The following SEMA3A variants were observed in gnomAD, a reference collection of about 807,000 sequenced individuals.
SEMA3A encodes the protein semaphorin 3A.
In SEMA3A, 29 loss-of-function variants were observed where a neutral mutation model predicts 97.9. The observed-to-expected ratio is 0.30, with a 90% CI of 0.22 to 0.40. SEMA3A has a LOEUF of 0.40. SEMA3A is among the 10% of genes least tolerant of loss of function. The pLI is 1.00. For missense variants in SEMA3A, 763 were observed against 951.3 expected (o/e 0.80, Z 2.60); for synonymous variants, 321 against 323.7 (o/e 0.99, Z 0.09).
At chr7:84,009,347 A>C (rs2116407952) in intron 9 of SEMA3A, among the ~76,000 whole-genome samples, 1 of 152,330 alleles carries the variant, frequency 6.6e-6, no homozygotes, top group African/African-American at 2.4e-5. Flanking sequence ...AAGGGAAGAA[A>C]TATTATTTAG....
At chr7:84,449,219 CATTT>C (rs1201084063) in intron 1 of SEMA3A, among the ~76,000 whole-genome samples, 1 of 152,068 alleles carries the variant, frequency 6.6e-6, no homozygotes, top group Admixed American at 6.5e-5. Flanking sequence ...AGTGTCACAA[CATTT>C]ATTTGTGAAT....
At chr7:84,072,419 C>A (rs1372013869) in intron 4 of SEMA3A, among the ~76,000 whole-genome samples, 1 of 151,922 alleles carries the variant, frequency 6.6e-6, no homozygotes, top group Non-Finnish European at 1.5e-5. Flanking sequence ...ACTGTTTTTG[C>A]TCAATAGGAA....
At chr7:84,456,432 T>C (rs1805686331) in intron 1 of SEMA3A, among the ~76,000 whole-genome samples, 1 of 151,880 alleles carries the variant, frequency 6.6e-6, no homozygotes, top group Non-Finnish European at 1.5e-5. Flanking sequence ...TCAGACACTC[T>C]GATTAAGTAA....
intron 1 of SEMA3A, among the ~76,000 whole-genome samples, chr7:84,153,306 C>T (rs939516398): frequency 1.3e-5 from 2 of 152,160 alleles, no homozygotes. Context: ...CTGTCATCCA[C>T]ATACATACAG....
At chr7:84,367,170 A>C (rs927384413) in intron 2 of SEMA3A, among the ~76,000 whole-genome samples, 1 of 151,298 alleles carries the variant, frequency 6.6e-6, no homozygotes, top group Admixed American at 6.6e-5. Flanking sequence ...AGAAGTAAGA[A>C]AGACATTTTC....
At chr7:84,022,285 C>A (rs549805296) in intron 6 of SEMA3A, among the ~76,000 whole-genome samples, 81 of 152,186 alleles carry the variant, frequency 5.3e-4, no homozygotes, top group South Asian at 1.0e-3. Flanking sequence ...CCCTCGGTAA[C>A]CTAAGAAAGT....
chr7:84,400,168 G>A (rs926672632), intron 1 of SEMA3A, among the ~76,000 whole-genome samples: 1 of 152,146 alleles, frequency 6.6e-6, no homozygotes, highest in Non-Finnish European at 1.5e-5. Context: ...TCTGAAGAGG[G>A]ACAGTTACAA....
intron 1 of SEMA3A, among the ~76,000 whole-genome samples, chr7:84,382,771 G>C (rs1334893098): frequency 6.6e-6 from 1 of 151,192 alleles, no homozygotes; most frequent in African/African-American, 2.4e-5. Context: ...CCAGCTACTC[G>C]GGAGGCTGAG....
rs34614886 is a variant in SEMA3A at position 84,091,031 on chromosome 7, T to A, written c.453+19439A>T. ...GCAGTGAGCTGAGATCACGAGATCA[T>A]GCCATTGCACTGTAGCCTGGGGAAC... On this transcript the variant is annotated intron_variant, in intron 4 of 16. Transcript: ENST00000265362. Among the ~76,000 whole-genome samples, 137 of 147,156 alleles carry A rather than the reference T, an allele frequency of 9.3e-4. 2 individuals are homozygous for A. The South Asian group carries it at 0.028, about 30-fold the overall frequency.
chr7:84,222,436 C>T (rs1016381907), intron 3 of SEMA3A, among the ~76,000 whole-genome samples: 1 of 151,698 alleles, frequency 6.6e-6, no homozygotes, highest in African/African-American at 2.4e-5. Context: ...TAGCTATAAG[C>T]AGGCTAATCC....
intron 1 of SEMA3A, among the ~76,000 whole-genome samples, chr7:84,379,761 G>A (rs1354683467): frequency 6.6e-6 from 1 of 152,108 alleles, no homozygotes; most frequent in African/African-American, 2.4e-5. Context: ...GTAAACCCAT[G>A]TCATTTTTGT....
At chr7:84,445,493 C>CAAAA (rs61298477) in intron 1 of SEMA3A, among the ~76,000 whole-genome samples, 421 of 27,602 alleles carry the variant, frequency 0.015, 8 homozygotes, top group Non-Finnish European at 0.024. Flanking sequence ...GACTCCATCT[C>CAAAA]AAAAAAAAAA....
chr7:84,044,176 G>T (rs1792253091), intron 6 of SEMA3A, among the ~76,000 whole-genome samples: 1 of 151,070 alleles, frequency 6.6e-6, no homozygotes, highest in Non-Finnish European at 1.5e-5. Flanking sequence ...TGTTAAGAGA[G>T]TTTTTTTTTC....
chr7:84,058,482 A>C (rs1793085304), intron 5 of SEMA3A, among the ~76,000 whole-genome samples: 1 of 152,188 alleles, frequency 6.6e-6, no homozygotes, highest in South Asian at 2.1e-4. Flanking sequence ...AAGAGGAAGA[A>C]TTTATAGCAC....
chr7:84,329,667 T>G (rs1801865677), intron 2 of SEMA3A, among the ~76,000 whole-genome samples: 1 of 152,044 alleles, frequency 6.6e-6, no homozygotes, highest in African/African-American at 2.4e-5. Context: ...AATAATGAGA[T>G]TCTAAAATAA....
chr7:84,160,741 G>A (rs2116163465), intron 1 of SEMA3A, among the ~76,000 whole-genome samples: 1 of 151,856 alleles, frequency 6.6e-6, no homozygotes, highest in Non-Finnish European at 1.5e-5. Context: ...TTACTTGGGG[G>A]TGGTGGCATG....
At chr7:84,331,558 T>C (rs1210202096) in intron 2 of SEMA3A, among the ~76,000 whole-genome samples, 3 of 152,126 alleles carry the variant, frequency 2.0e-5, no homozygotes, top group Admixed American at 6.6e-5. Flanking sequence ...TTGTTCATTA[T>C]ACCAAGAGAA....
At chr7:84,308,809 T>C (rs1359948936) in intron 2 of SEMA3A, among the ~76,000 whole-genome samples, 3 of 133,812 alleles carry the variant, frequency 2.2e-5, no homozygotes, top group African/African-American at 8.7e-5. Context: ...ATGAGAGAAA[T>C]ATCACTTTTT....
chr7:84,373,656 T>C (rs1803028953), intron 1 of SEMA3A, among the ~76,000 whole-genome samples: 1 of 152,194 alleles, frequency 6.6e-6, no homozygotes, highest in Non-Finnish European at 1.5e-5. Context: ...AAGAATAGAA[T>C]TGCAATAATA....
Sources: gnomAD v4.1 joint callset for allele counts (sites outside exome capture counted in the v4.1 genomes callset) on GRCh38, gnomAD v4.1.1 for gene constraint, MANE v1.5 for transcripts, NCBI Gene and HGNC (gene_info 2026-07-23, HGNC 2026-07-21) for gene names.